The following INPP5B variants were observed in gnomAD, a reference collection of about 807,000 sequenced individuals.
INPP5B encodes the protein type II inositol 1,4,5-trisphosphate 5-phosphatase.
In INPP5B, 90 loss-of-function variants were observed where a neutral mutation model predicts 118.5. The observed-to-expected ratio is 0.76, with a 90% CI of 0.64 to 0.90. The LOEUF (loss-of-function observed/expected upper bound fraction) is 0.90, where lower values mean the gene tolerates loss of function less well. Among genes scored for constraint, INPP5B ranks in the 40% least tolerant of loss-of-function variants. The pLI, the probability that INPP5B is intolerant of heterozygous loss-of-function variation, is 0.00. For synonymous variants in INPP5B, 385 were observed against 418.9 expected (o/e 0.92, Z 0.99); for missense variants, 984 against 1,125.6 (o/e 0.87, Z 1.80).
chr1:37,863,169 T>C (rs1205725977), intron 23 of INPP5B, among the ~76,000 whole-genome samples: 1 of 145,916 alleles, frequency 6.9e-6, no homozygotes, highest in Non-Finnish European at 1.5e-5. Context: ...TCCCACTGGC[T>C]CCCAGCCCTC....
intron 7 of INPP5B, among the ~76,000 whole-genome samples, chr1:37,895,371 A>C (rs1643989635): frequency 6.6e-6 from 1 of 152,202 alleles, no homozygotes; most frequent in South Asian, 2.1e-4. Context: ...GCTTGTGCCT[A>C]TAGTCCCAGC....
At position 37,875,515 on chromosome 1, in the gene INPP5B, A is replaced by G. The variant is rs1642738725; in HGVS notation, c.1788+91T>C. 6.8e-6 allele frequency: 6 copies of G among 885,746 alleles called. No homozygotes were observed. In the South Asian group the frequency reaches 8.7e-5, roughly 13 times the overall value. 54.9% of individuals were successfully genotyped at this position (885,746 alleles called of 1,614,324 possible). On this transcript the variant is annotated intron_variant, in intron 17 of 23. Transcript: ENST00000373024. Reference sequence around the variant, plus strand: ...GATCTCCTGACCTCATGACCTGCCCACCTTGGCCTCCCAAAGTGCTGGGAT... The same window carrying G: ...GATCTCCTGACCTCATGACCTGCCCGCCTTGGCCTCCCAAAGTGCTGGGAT...
intron 7 of INPP5B, among the ~76,000 whole-genome samples, chr1:37,925,316 T>C (rs1262471587): frequency 6.6e-6 from 1 of 152,192 alleles, no homozygotes. Flanking sequence ...ATCATTGGCA[T>C]TCCAAGAAAG....
chr1:37,944,438 A>G (rs1350571544), intron 3 of INPP5B, among the ~76,000 whole-genome samples: 1 of 152,110 alleles, frequency 6.6e-6, no homozygotes, highest in Non-Finnish European at 1.5e-5. Flanking sequence ...ATTATTTGAA[A>G]TAGAGATAGG....
chr1:37,873,337 GAGTTTAT>G (rs1412736382), intron 18 of INPP5B, 172 bp from the exon 19 acceptor site: 1 of 595,386 alleles, frequency 1.7e-6, no homozygotes, highest in African/African-American at 1.9e-5. Context: ...CAAGAACAAA[GAGTTTAT>G]AGTCCAACTG....
At chr1:37,897,339 C>T (rs543827457) in intron 7 of INPP5B, among the ~76,000 whole-genome samples, 3 of 149,436 alleles carry the variant, frequency 2.0e-5, no homozygotes, top group Admixed American at 2.0e-4. Flanking sequence ...GTTGCCGTGT[C>T]TGTGTAGAAA....
In INPP5B at chr1:37,936,552, T is replaced by C. The variant is rs536178764; in HGVS notation, c.391+4136A>G. Among the ~76,000 whole-genome samples, 301 of 150,912 alleles carry C rather than the reference T, an allele frequency of 2.0e-3. 1 individual carries two copies. Among genetic ancestry groups the C allele is most frequent in the African/African-American group, 5.9e-3 (243 of 41,056 alleles). ...AAGAGAATCGCTTGAACCCGGGAGG[T>C]GGAGGTTGTAGTGATACAAGATCAT... On this transcript the variant is annotated intron_variant, in intron 6 of 23. Transcript: ENST00000373024.
chr1:37,946,546 G>C (rs1452744397), intron 1 of INPP5B, among the ~76,000 whole-genome samples: 1 of 152,142 alleles, frequency 6.6e-6, no homozygotes, highest in Non-Finnish European at 1.5e-5. Context: ...TGCCCCGCTG[G>C]GATCTACAGT....
chr1:37,913,032 C>T (rs1644753282), intron 7 of INPP5B, among the ~76,000 whole-genome samples: 1 of 151,502 alleles, frequency 6.6e-6, no homozygotes, highest in Non-Finnish European at 1.5e-5. Flanking sequence ...CTGAGGTGGG[C>T]AGATCACGAG....
chr1:37,880,300 A>T (rs1643117326), intron 14 of INPP5B, 106 bp from the exon 15 acceptor site: 1 of 767,086 alleles, frequency 1.3e-6, no homozygotes, highest in African/African-American at 1.7e-5. Flanking sequence ...AACCCAAAGG[A>T]AAAAGCCCCA....
At chr1:37,921,618 GGGAGGATCACCTGAGGTCA>G (rs1243545015) in intron 7 of INPP5B, among the ~76,000 whole-genome samples, 1 of 152,126 alleles carries the variant, frequency 6.6e-6, no homozygotes, top group Non-Finnish European at 1.5e-5. Context: ...AGGCTGAGGT[GGGAGGATCACCTGAGGTCA>G]GGAGTTCGAG....
chr1:37,869,378 C>T (rs1246051626), intron 19 of INPP5B, among the ~76,000 whole-genome samples: 1 of 151,850 alleles, frequency 6.6e-6, no homozygotes, highest in Non-Finnish European at 1.5e-5. Flanking sequence ...CACTTGGACT[C>T]AAGTGATCTA....
chr1:37,866,469 A>C lies in INPP5B; in HGVS notation c.2376T>G (p.Ile792Met). Residue 792 changes from isoleucine to methionine, a missense_variant, in exon 21 of 24, where the codon ATT becomes ATG. Around this residue, in one of 2 missense-constraint regions of INPP5B, gnomAD observed 634 missense variants for 791.0 expected, o/e 0.80. Coordinates refer to ENST00000373024, the MANE Select transcript of INPP5B (RefSeq NM_005540.3). The part of the protein sequence containing the change: ...HIRDCLDTGM[I>M]DNLSASNHSV... ...ATGTCTGAAGGATACAGAGGTTATCAATCATTCCAGTATCCAAGCAGTCCC... is the reference window on the plus strand; with the variant it reads ...ATGTCTGAAGGATACAGAGGTTATCCATCATTCCAGTATCCAAGCAGTCCC... 6 of 1,580,342 alleles carry C rather than the reference A, an allele frequency of 3.8e-6. No homozygotes were observed. The highest frequency in any genetic ancestry group is 5.2e-6 in the Non-Finnish European group (6 of 1,150,076).
chr1:37,945,125 G>A (rs1291420148), intron 3 of INPP5B, among the ~76,000 whole-genome samples: 3 of 150,694 alleles, frequency 2.0e-5, no homozygotes, highest in Admixed American at 6.6e-5. Flanking sequence ...AAGAGACCCC[G>A]TCTCTAAAAA....
intron 23 of INPP5B, 76 bp from the exon 24 acceptor site, chr1:37,862,506 A>G (rs1641760484): frequency 1.1e-6 from 1 of 896,016 alleles, no homozygotes; most frequent in Non-Finnish European, 1.9e-6. Flanking sequence ...AACGACAGGG[A>G]TATGTTCTGA....
At chr1:37,863,099 G>C (rs1264059279) in intron 23 of INPP5B, among the ~76,000 whole-genome samples, 1 of 152,154 alleles carries the variant, frequency 6.6e-6, no homozygotes, top group Non-Finnish European at 1.5e-5. Flanking sequence ...GGCGTTGGAG[G>C]GTGTGGCCCG....
rs1197499403 is a variant in INPP5B at position 37,880,098 on chromosome 1, C to A, written c.1528G>T (p.Asp510Tyr). ...CCTCTGACCTACCTGGTATCCCAGTCGTCAGAGCCCGTATCATACTTGTAA... is the reference window on the plus strand; with the variant it reads ...CCTCTGACCTACCTGGTATCCCAGTAGTCAGAGCCCGTATCATACTTGTAA... The part of the protein sequence containing the change: ...PTYKYDTGSD[D>Y]WDTSEKCRAP... The change falls in exon 15 of 24, where the codon GAC becomes TAC. Residue 510 changes from aspartate to tyrosine, a missense_variant. Coordinates refer to ENST00000373024, the MANE Select transcript of INPP5B (RefSeq NM_005540.3). 6.2e-7 allele frequency: 1 copy of A among 1,605,620 alleles called. No individual in the cohort carries two copies. Among genetic ancestry groups the A allele is most frequent in the East Asian group, 2.2e-5 (1 of 44,790 alleles).
At chr1:37,871,640 C>T (rs901844564) in intron 19 of INPP5B, among the ~76,000 whole-genome samples, 1 of 151,384 alleles carries the variant, frequency 6.6e-6, no homozygotes, top group African/African-American at 2.4e-5. Context: ...CAGTGGCTCA[C>T]GCCTGTAATC....
rs370998505 is a variant in INPP5B at position 37,939,723 on chromosome 1, G to A, written c.391+965C>T. Among the ~76,000 whole-genome samples the A allele has an allele frequency of 4.5e-3, 688 of 151,642 alleles. 2 individuals carry two copies. The highest frequency in any genetic ancestry group is 0.017 in the East Asian group (85 of 5,064). On this transcript the variant is annotated intron_variant, in intron 6 of 23. Coordinates refer to ENST00000373024, the MANE Select transcript of INPP5B (RefSeq NM_005540.3). ...CTCCCAAAGTGCTGGGATTACAGGC[G>A]TGAGCCACCGCGCCCGGCCTGTTAT...
Sources: allele counts gnomAD v4.1 joint callset (sites outside exome capture counted in the v4.1 genomes callset), GRCh38; gene constraint gnomAD v4.1.1; regional missense constraint gnomAD v4.1.1; transcripts MANE v1.5; gene names NCBI Gene and HGNC (gene_info 2026-07-23, HGNC 2026-07-21).